ATF6: variants seen among roughly 807,000 people sequenced by gnomAD.
ATF6 encodes cyclic AMP-dependent transcription factor ATF-6 alpha.
Under a neutral mutation model 83.6 loss-of-function variants are expected in ATF6, and 53 were observed. That is an observed-to-expected ratio of 0.63 (90% CI 0.51 to 0.80). ATF6 has a LOEUF of 0.80. Among genes scored for constraint, ATF6 ranks in the 30% least tolerant of loss-of-function variants. The probability of loss-of-function intolerance (pLI) is 0.00; values close to 1 mark genes in which losing one functional copy is unlikely to be tolerated. For synonymous variants in ATF6, 288 were observed against 285.8 expected (o/e 1.01, Z -0.08); for missense variants, 744 against 797.9 (o/e 0.93, Z 0.81).
At chr1:161,800,177 A>C (rs1170902480) in intron 6 of ATF6, among the ~76,000 whole-genome samples, 1 of 152,202 alleles carries the variant, frequency 6.6e-6, no homozygotes, top group Non-Finnish European at 1.5e-5. Flanking sequence ...TACCCCTTAA[A>C]TGAAATGCTT....
At chr1:161,906,119 C>T (rs1457571525) in intron 14 of ATF6, among the ~76,000 whole-genome samples, 1 of 152,200 alleles carries the variant, frequency 6.6e-6, no homozygotes, top group African/African-American at 2.4e-5. Flanking sequence ...AGGCGTGAGC[C>T]ACTGCGCCTG....
intron 15 of ATF6, among the ~76,000 whole-genome samples, chr1:161,921,222 G>A (rs1395610445): frequency 6.6e-6 from 1 of 152,176 alleles, no homozygotes. Context: ...ACAGTAAAGA[G>A]AGGATTCATG....
At chr1:161,835,441 G>A (rs1048412294) in intron 9 of ATF6, among the ~76,000 whole-genome samples, 3 of 152,186 alleles carry the variant, frequency 2.0e-5, no homozygotes, top group Non-Finnish European at 4.4e-5. Context: ...GCATTTGTTT[G>A]TAAACCAAAC....
intron 15 of ATF6, among the ~76,000 whole-genome samples, chr1:161,943,613 G>A (rs113946660): frequency 0.013 from 1,981 of 152,074 alleles, 15 homozygotes; most frequent in Middle Eastern, 0.024. Context: ...CTCAGGGCAC[G>A]CTCCTGCCTC....
At chr1:161,950,432 G>T (rs919224034) in intron 15 of ATF6, among the ~76,000 whole-genome samples, 1 of 152,182 alleles carries the variant, frequency 6.6e-6, no homozygotes, top group South Asian at 2.1e-4. Context: ...GCAGAGGTTT[G>T]GTCCTTAATC....
At chr1:161,833,892 G>A (rs1200664695) in intron 9 of ATF6, among the ~76,000 whole-genome samples, 7 of 152,068 alleles carry the variant, frequency 4.6e-5, no homozygotes, top group Admixed American at 6.5e-5. Context: ...TTCAAATTCA[G>A]GAAATACAGA....
rs529306156 is a variant in ATF6, at chr1:161,801,344, T to C, written c.689-708T>C. Among the ~76,000 whole-genome samples, 7 of 151,482 alleles carry C rather than the reference T, an allele frequency of 4.6e-5. No homozygotes were observed. The East Asian group carries it at 1.4e-3, about 29-fold the overall frequency. On this transcript the variant is annotated intron_variant, in intron 6 of 15. Transcript: ENST00000367942. ...TTTAATCTCAAATGGTTTTAAGTTT[T>C]TTGGTATTTGTAGTCTTTTTTTTTT...
intron 14 of ATF6, among the ~76,000 whole-genome samples, chr1:161,886,546 C>A (rs927846712): frequency 1.3e-5 from 2 of 152,044 alleles, no homozygotes; most frequent in South Asian, 4.1e-4. Flanking sequence ...ATATGGAAAA[C>A]CAAATTTCTT....
intron 9 of ATF6, among the ~76,000 whole-genome samples, chr1:161,834,301 A>AT (rs1379351116): frequency 3.3e-5 from 5 of 152,168 alleles, no homozygotes; most frequent in Non-Finnish European, 5.9e-5. Flanking sequence ...ATTATAAATC[A>AT]TGCTGCTATA....
At chr1:161,800,487 A>G (rs1685120430) in intron 6 of ATF6, among the ~76,000 whole-genome samples, 1 of 152,178 alleles carries the variant, frequency 6.6e-6, no homozygotes, top group Non-Finnish European at 1.5e-5. Context: ...GCTACTGACA[A>G]GCAATCATTT....
chr1:161,821,714 A>C (rs2101786570), intron 9 of ATF6, among the ~76,000 whole-genome samples: 1 of 152,300 alleles, frequency 6.6e-6, no homozygotes. Context: ...TGCTGTGTAC[A>C]ATGAGGCATC....
intron 7 of ATF6, among the ~76,000 whole-genome samples, chr1:161,813,426 T>C (rs1685522923): frequency 6.6e-6 from 1 of 152,226 alleles, no homozygotes; most frequent in South Asian, 2.1e-4. Context: ...ATTTTGTTTT[T>C]GGATTGGATG....
chr1:161,948,614 C>A (rs958051911), intron 15 of ATF6, among the ~76,000 whole-genome samples: 1 of 152,106 alleles, frequency 6.6e-6, no homozygotes, highest in Non-Finnish European at 1.5e-5. Context: ...TTAAATGACT[C>A]AACAGGTGAT....
At chr1:161,945,416 A>G (rs2101913609) in intron 15 of ATF6, among the ~76,000 whole-genome samples, 1 of 152,282 alleles carries the variant, frequency 6.6e-6, no homozygotes, top group East Asian at 1.9e-4. Flanking sequence ...AGGCAGTTCT[A>G]TTAATTTCTT....
intron 10 of ATF6, among the ~76,000 whole-genome samples, chr1:161,850,930 C>T (rs1686603199): frequency 6.6e-6 from 1 of 152,134 alleles, no homozygotes. Flanking sequence ...CCCTACGTCA[C>T]ACCTTGGATA....
chr1:161,803,628 GA>G (rs1685209769), intron 7 of ATF6, among the ~76,000 whole-genome samples: 1 of 152,124 alleles, frequency 6.6e-6, no homozygotes, highest in Admixed American at 6.5e-5. Context: ...GATAATGATG[GA>G]AGCTGGGTGT....
chr1:161,837,559 C>G lies in ATF6; in HGVS notation c.1188-8890C>G, dbSNP rs16852520. On this transcript the variant is annotated intron_variant, in intron 9 of 15. Transcript: ENST00000367942. ...CCTTATATTATTTTCTGTCTCAGCC[C>G]TTTCCCAGAATTCCCAATAAAGCAG... Among the ~76,000 whole-genome samples the G allele has an allele frequency of 3.8e-3, 576 of 152,122 alleles. 6 individuals carry two copies. Among genetic ancestry groups the G allele is most frequent in the African/African-American group, 0.013 (531 of 41,530 alleles).
At chr1:161,767,260 C>A (rs1207730170) in intron 1 of ATF6, among the ~76,000 whole-genome samples, 1 of 152,188 alleles carries the variant, frequency 6.6e-6, no homozygotes, top group Non-Finnish European at 1.5e-5. Flanking sequence ...AGCCTTGGAA[C>A]TGGGGGGAAC....
chr1:161,823,341 G>T (rs1194809620), intron 9 of ATF6, among the ~76,000 whole-genome samples: 1 of 151,718 alleles, frequency 6.6e-6, no homozygotes, highest in Non-Finnish European at 1.5e-5. Flanking sequence ...TATTTTTTTT[G>T]GGGGGAAGCT....
Sources: gnomAD v4.1 joint callset for allele counts (sites outside exome capture counted in the v4.1 genomes callset) on GRCh38, gnomAD v4.1.1 for gene constraint, MANE v1.5 for transcripts, NCBI Gene and HGNC (gene_info 2026-07-23, HGNC 2026-07-21) for gene names.